Variants in CTNNA2 observed in about 807,000 individuals in gnomAD.
CTNNA2 encodes the protein catenin alpha 2, also known as catenin alpha-2.
In CTNNA2, 42 loss-of-function variants were observed where a neutral mutation model predicts 101.0. The observed-to-expected ratio is 0.42, with a 90% confidence interval of 0.32 to 0.54. CTNNA2 has a LOEUF of 0.54. CTNNA2 is among the 20% of genes least tolerant of loss of function. The pLI is 0.14. For synonymous variants in CTNNA2, 450 were observed against 456.4 expected (o/e 0.99, Z 0.18); for missense variants, 871 against 1,223.1 (o/e 0.71, Z 4.29).
chr2:79,939,531 C>A (rs971096085), intron 7 of CTNNA2, among the ~76,000 whole-genome samples: 3 of 152,046 alleles, frequency 2.0e-5, no homozygotes, highest in Non-Finnish European at 4.4e-5. Flanking sequence ...TTGTTACTTT[C>A]TCTCCCAAAA....
chr2:79,276,235 G>A (rs771494685), intron 2 of CTNNA2, among the ~76,000 whole-genome samples: 4 of 152,036 alleles, frequency 2.6e-5, no homozygotes, highest in African/African-American at 7.2e-5. Flanking sequence ...TAATTATTAC[G>A]CATAAGTCCT....
chr2:79,923,371 T>C (rs1221205448), intron 7 of CTNNA2, among the ~76,000 whole-genome samples: 1 of 152,062 alleles, frequency 6.6e-6, no homozygotes, highest in African/African-American at 2.4e-5. Flanking sequence ...CTGACTTTTG[T>C]TTTTTTCTGA....
intron 3 of CTNNA2, among the ~76,000 whole-genome samples, chr2:79,840,610 T>A (rs1679724101): frequency 6.6e-6 from 1 of 152,168 alleles, no homozygotes; most frequent in African/African-American, 2.4e-5. Context: ...GATATTATTT[T>A]ATTCATTTTA....
intron 2 of CTNNA2, among the ~76,000 whole-genome samples, chr2:79,283,639 C>T: frequency 7.8e-6 from 1 of 128,900 alleles, no homozygotes. Flanking sequence ...GGTACCAGTA[C>T]CATGCTGTTT....
chr2:79,273,100 C>T (rs1272889213), intron 2 of CTNNA2, among the ~76,000 whole-genome samples: 1 of 151,942 alleles, frequency 6.6e-6, no homozygotes, highest in Non-Finnish European at 1.5e-5. Flanking sequence ...GGCTTCTCAG[C>T]ACAAAGTATT....
intron 7 of CTNNA2, among the ~76,000 whole-genome samples, chr2:80,212,284 T>C (rs1011368099): frequency 6.6e-6 from 1 of 152,180 alleles, no homozygotes; most frequent in Non-Finnish European, 1.5e-5. Context: ...GAGGGCATCC[T>C]TGTCTTGTGC....
At chr2:80,445,032 A>G (rs1395622653) in intron 9 of CTNNA2, among the ~76,000 whole-genome samples, 1 of 152,176 alleles carries the variant, frequency 6.6e-6, no homozygotes, top group Non-Finnish European at 1.5e-5. Flanking sequence ...AAGTTCTCTT[A>G]AGTTCACAAT....
chr2:80,049,825 AT>A lies in CTNNA2; in HGVS notation c.1056+140036del, dbSNP rs983941822. ...AGTTTAATGAAATTGCTCTTTTTGA[AT>A]TTTTTTTCCAATTCTGCTCTTTATA... On this transcript the variant is annotated intron_variant, in intron 7 of 18. Coordinates refer to ENST00000402739, the MANE Select transcript of CTNNA2 (RefSeq NM_001282597.3). 1.8e-4 allele frequency among the ~76,000 whole-genome samples: 28 copies of A among 151,832 alleles called. 1 individual carries two copies. Among genetic ancestry groups the A allele is most frequent in the Non-Finnish European group, 2.9e-4 (20 of 67,960 alleles).
intron 14 of CTNNA2, chr2:80,586,365 T>C (rs1695971083): frequency 6.6e-6 from 1 of 152,180 alleles, no homozygotes; most frequent in Non-Finnish European, 1.5e-5. Flanking sequence ...CATCTGGGGA[T>C]TGAACATTGA....
At chr2:79,206,506 C>T (rs966568973) in intron 2 of CTNNA2, among the ~76,000 whole-genome samples, 1 of 152,166 alleles carries the variant, frequency 6.6e-6, no homozygotes, top group Non-Finnish European at 1.5e-5. Context: ...TCTTCCCTCA[C>T]ACTTGGAGCT....
At chr2:80,218,910 G>A (rs536027645) in intron 7 of CTNNA2, among the ~76,000 whole-genome samples, 17 of 152,152 alleles carry the variant, frequency 1.1e-4, no homozygotes, top group East Asian at 9.7e-4. Context: ...ATATTTAATC[G>A]TATCATTTAG....
intron 7 of CTNNA2, among the ~76,000 whole-genome samples, chr2:80,127,177 C>G (rs1435115239): frequency 6.6e-6 from 1 of 152,146 alleles, no homozygotes; most frequent in East Asian, 1.9e-4. Flanking sequence ...TGTCTGTCCC[C>G]AAATCAACTT....
intron 7 of CTNNA2, among the ~76,000 whole-genome samples, chr2:79,959,977 T>A (rs2104526677): frequency 6.6e-6 from 1 of 152,342 alleles, no homozygotes; most frequent in East Asian, 1.9e-4. Flanking sequence ...ATGATGCTAA[T>A]TCATGTTTAA....
intron 1 of CTNNA2, among the ~76,000 whole-genome samples, chr2:79,191,421 C>A (rs955320916): frequency 4.6e-5 from 7 of 152,126 alleles, no homozygotes; most frequent in Non-Finnish European, 1.0e-4. Context: ...AGCTCTAGTC[C>A]TCAGCCTCAA....
intron 7 of CTNNA2, among the ~76,000 whole-genome samples, chr2:80,258,555 C>A (rs866463982): frequency 7.2e-5 from 11 of 152,052 alleles, no homozygotes; most frequent in African/African-American, 2.4e-4. Flanking sequence ...TATAGTCAAG[C>A]TAGGGAATGT....
At chr2:80,586,029 T>C (rs1211390851) in intron 14 of CTNNA2, among the ~76,000 whole-genome samples, 1 of 152,156 alleles carries the variant, frequency 6.6e-6, no homozygotes, top group African/African-American at 2.4e-5. Flanking sequence ...TTCTTCAGAA[T>C]TGTGTCCTTA....
intron 14 of CTNNA2, among the ~76,000 whole-genome samples, chr2:80,583,629 CAA>C (rs1192774251): frequency 2.6e-5 from 4 of 152,118 alleles, no homozygotes; most frequent in Non-Finnish European, 5.9e-5. Context: ...TTCTTAAAGA[CAA>C]AGACAGGTTG....
chr2:80,381,784 C>T (rs2166129), intron 7 of CTNNA2, among the ~76,000 whole-genome samples: 24,717 of 152,144 alleles, frequency 0.16, 2,557 homozygotes, highest in East Asian at 0.41. Flanking sequence ...TTCTCAAACA[C>T]ATCCTGCCTC....
At chr2:80,636,763 C>T (rs1175501446) in intron 18 of CTNNA2, among the ~76,000 whole-genome samples, 1 of 152,118 alleles carries the variant, frequency 6.6e-6, no homozygotes, top group Non-Finnish European at 1.5e-5. Flanking sequence ...GCTAGATTGC[C>T]TTTCCTACAC....
Sources: gnomAD v4.1 joint callset for allele counts (sites outside exome capture counted in the v4.1 genomes callset) on GRCh38, gnomAD v4.1.1 for gene constraint, MANE v1.5 for transcripts, NCBI Gene and HGNC (gene_info 2026-07-23, HGNC 2026-07-21) for gene names.